CCPG1: variants seen among roughly 807,000 people sequenced by gnomAD.
CCPG1 encodes cell cycle progression 1.
A neutral mutation model predicts 81.3 loss-of-function variants in CCPG1; 46 were observed. The observed-to-expected ratio is 0.57, with a 90% confidence interval of 0.45 to 0.72. The LOEUF (loss-of-function observed/expected upper bound fraction) is 0.72. CCPG1 is among the 30% of genes least tolerant of loss of function. The pLI, the probability that CCPG1 is intolerant of heterozygous loss-of-function variation, is 0.00. For missense variants in CCPG1, 902 were observed against 937.6 expected (o/e 0.96, Z 0.50); for synonymous variants, 330 against 305.2 (o/e 1.08, Z -0.85).
intron 5 of CCPG1, chr15:55,373,166 A>G (rs899819495): frequency 2.5e-6 from 1 of 404,338 alleles, no homozygotes; most frequent in African/African-American, 2.1e-5. Context: ...AATCACCTTC[A>G]GTTTTTTCCA....
chr15:55,383,594 G>A (rs548644216), intron 3 of CCPG1, among the ~76,000 whole-genome samples: 1 of 152,330 alleles, frequency 6.6e-6, no homozygotes, highest in South Asian at 2.1e-4. Flanking sequence ...AAATCTGCTG[G>A]TTGGGGTAGC....
rs1449923707 is a variant in CCPG1 at position 55,355,987 on chromosome 15, C to T, written c.*233G>A. 2 of 490,038 alleles carry T rather than the reference C, an allele frequency of 4.1e-6. No individual in the cohort carries two copies. Among genetic ancestry groups the T allele is most frequent in the East Asian group, 3.7e-5 (1 of 27,194 alleles). The allele number at this position is 490,038 out of a possible 1,614,324, so 30.4% of individuals were successfully genotyped here. On this transcript the variant is annotated 3_prime_UTR_variant, in exon 9 of 9. Coordinates refer to ENST00000442196, the MANE Select transcript of CCPG1 (RefSeq NM_001204450.2). ...ATGCCTGGCTTCCTTAATAAAACTACAGTTGAACATTTCCAGTGTCAAAAA... is the reference window on the plus strand; with the variant it reads ...ATGCCTGGCTTCCTTAATAAAACTATAGTTGAACATTTCCAGTGTCAAAAA...
chr15:55,401,122 A>G (rs2057121403), intron 1 of CCPG1, among the ~76,000 whole-genome samples: 1 of 152,120 alleles, frequency 6.6e-6, no homozygotes, highest in Admixed American at 6.6e-5. Flanking sequence ...TAATTCATGC[A>G]TTTGGATTTT....
intron 5 of CCPG1, among the ~76,000 whole-genome samples, chr15:55,376,549 T>C (rs11635144): frequency 0.23 from 35,717 of 152,146 alleles, 5,331 homozygotes; most frequent in Non-Finnish European, 0.34. Flanking sequence ...TGAATATATC[T>C]GAAGAGACTT....
rs1212558990 is a variant in CCPG1, at chr15:55,359,843, A to G, written c.1930T>C (p.Phe644Leu). The G allele has an allele frequency of 1.9e-6, 3 of 1,613,524 alleles. No homozygotes were observed. Among genetic ancestry groups the G allele is most frequent in the South Asian group, 2.2e-5 (2 of 91,054 alleles). The part of the protein sequence containing the change: ...DCAQQESMSL[F>L]NTVVNPIRMD... The stretch of plus-strand genomic sequence containing the variant: ...CTTATAGGATTCACCACTGTGTTAA[A>G]AAGGCTCATGGACTCTTGTTGAGCA... Residue 644 changes from phenylalanine to leucine, a missense_variant, in exon 8 of 9, where the codon TTT (phenylalanine) becomes CTT (leucine). Around this residue, in one of 3 missense-constraint regions of CCPG1, gnomAD observed 746 missense variants for 728.6 expected, o/e 1.02. Transcript: ENST00000442196.
At chr15:55,367,223 T>C (rs1331185113) in intron 6 of CCPG1, among the ~76,000 whole-genome samples, 2 of 152,196 alleles carry the variant, frequency 1.3e-5, no homozygotes, top group African/African-American at 2.4e-5. Flanking sequence ...TTATCTATAG[T>C]TCCCAGAGTA....
chr15:55,365,419 G>GTTTTTTTTTTTTTTTTTTTTTTT (rs111247245), intron 6 of CCPG1, 110 bp from the exon 7 acceptor site: 1 of 446,364 alleles, frequency 2.2e-6, no homozygotes, highest in Non-Finnish European at 3.6e-6. Flanking sequence ...TCTTTTTTTT[G>GTTTTTTTTTTTTTTTTTTTTTTT]TTTTTTTTTT....
chr15:55,379,779 T>A (rs2056642971), intron 3 of CCPG1, among the ~76,000 whole-genome samples: 1 of 152,020 alleles, frequency 6.6e-6, no homozygotes, highest in Admixed American at 6.6e-5. Context: ...AACAGAATGA[T>A]GACTTCACAA....
intron 3 of CCPG1, among the ~76,000 whole-genome samples, chr15:55,380,799 G>C (rs2056673088): frequency 6.6e-6 from 1 of 151,736 alleles, no homozygotes; most frequent in South Asian, 2.1e-4. Flanking sequence ...CAGACCACGA[G>C]GTCAGGAGTT....
chr15:55,379,538 A>G (rs528269189), intron 3 of CCPG1, among the ~76,000 whole-genome samples: 16 of 152,200 alleles, frequency 1.1e-4, no homozygotes, highest in African/African-American at 2.6e-4. Context: ...AAAAAAAGTC[A>G]GAGAGAGGGC....
chr15:55,381,289 A>AT (rs902325850), intron 3 of CCPG1, among the ~76,000 whole-genome samples: 9 of 151,116 alleles, frequency 6.0e-5, no homozygotes, highest in Non-Finnish European at 1.2e-4. Flanking sequence ...AAAAAATAAA[A>AT]AAAAAATAGC....
At chr15:55,400,203 CAAAAAAAA>C (rs61331208) in intron 1 of CCPG1, among the ~76,000 whole-genome samples, 1 of 32,952 alleles carries the variant, frequency 3.0e-5, no homozygotes, top group African/African-American at 1.6e-4. Flanking sequence ...TACTCTACCT[CAAAAAAAA>C]AAAAAAAAAA....
intron 8 of CCPG1, chr15:55,358,759 TCTC>T (rs754190095): frequency 7.1e-6 from 7 of 985,336 alleles, no homozygotes; most frequent in South Asian, 4.7e-5. Flanking sequence ...TTTTCACTTG[TCTC>T]CTCAAGGCAG....
intron 2 of CCPG1, among the ~76,000 whole-genome samples, chr15:55,388,808 C>T (rs2056854915): frequency 6.7e-6 from 1 of 149,896 alleles, no homozygotes; most frequent in South Asian, 2.1e-4. Context: ...CAGTGGCTCA[C>T]ATCTGTAAGC....
At chr15:55,366,866 T>C (rs1412618512) in intron 6 of CCPG1, among the ~76,000 whole-genome samples, 3 of 152,264 alleles carry the variant, frequency 2.0e-5, no homozygotes, top group Non-Finnish European at 4.4e-5. Context: ...ACATGCGTCA[T>C]GTATGGGGGG....
chr15:55,374,110 G>T, intron 5 of CCPG1: 1 of 1,068,888 alleles, frequency 9.4e-7, no homozygotes, highest in Non-Finnish European at 1.3e-6. Context: ...AATGTGACTA[G>T]GCACACTCAG....
At position 55,358,469 on chromosome 15, in the gene CCPG1, T is replaced by G. The variant is rs140636866; in HGVS notation, c.2234+1070A>C. 453 of 985,420 alleles carry G rather than the reference T, an allele frequency of 4.6e-4. 2 individuals are homozygous for G. In the African/African-American group the frequency reaches 7.3e-3, roughly 16 times the overall value. The allele number at this position is 985,420 out of a possible 1,614,324, so 61.0% of individuals were successfully genotyped here. A position where few individuals can be genotyped will look rare whatever the true frequency, so the allele number is the denominator to read the frequency against. On this transcript the variant is annotated intron_variant, in intron 8 of 8. Transcript: ENST00000442196. ...AACCTTTAGCATAAAATGGGGCCCTTCATGGTCTGCATCTCTTATCCTCCA... is the reference window on the plus strand; with the variant it reads ...AACCTTTAGCATAAAATGGGGCCCTGCATGGTCTGCATCTCTTATCCTCCA...
chr15:55,385,850 C>T (rs1243325719), intron 2 of CCPG1, 136 bp from the exon 3 acceptor site: 22 of 633,188 alleles, frequency 3.5e-5, no homozygotes, highest in Non-Finnish European at 5.9e-5. Context: ...TCTAATTAGA[C>T]AAGCTTTTGT....
intron 1 of CCPG1, among the ~76,000 whole-genome samples, chr15:55,407,040 C>T (rs1312704516): frequency 1.5e-5 from 2 of 132,554 alleles, no homozygotes; most frequent in African/African-American, 3.4e-5. Flanking sequence ...CGTTGAGACC[C>T]CCCCCCCCGC....
Sources: gnomAD v4.1 joint callset for allele counts (sites outside exome capture counted in the v4.1 genomes callset) on GRCh38, gnomAD v4.1.1 for gene constraint, gnomAD v4.1.1 regional missense constraint, MANE v1.5 for transcripts, NCBI Gene and HGNC (gene_info 2026-07-23, HGNC 2026-07-21) for gene names.